The following PDZD8 variants were observed in gnomAD, a reference collection of about 807,000 sequenced individuals.
The protein encoded by PDZD8 is PDZ domain containing 8, also known as PDZ domain-containing protein 8.
Under a neutral mutation model 85.8 loss-of-function variants are expected in PDZD8, and 14 were observed. The ratio of observed to expected loss-of-function variants is 0.16; its 90% CI spans 0.11 to 0.26. The LOEUF (loss-of-function observed/expected upper bound fraction) is 0.26, where lower values mean the gene tolerates loss of function less well. PDZD8 is among the 10% of genes least tolerant of loss of function. The pLI, the probability that PDZD8 is intolerant of heterozygous loss-of-function variation, is 1.00. For synonymous variants in PDZD8, 592 were observed against 568.6 expected, an observed-to-expected ratio of 1.04 and a Z score of -0.59; for missense variants, 1,197 against 1,424.3, an observed-to-expected ratio of 0.84 and a Z score of 2.57.
intron 1 of PDZD8, among the ~76,000 whole-genome samples, chr10:117,361,029 A>G (rs1300825555): frequency 6.6e-6 from 1 of 152,220 alleles, no homozygotes; most frequent in African/African-American, 2.4e-5. Flanking sequence ...CTCACATTCC[A>G]TTAGCTGTGA....
intron 3 of PDZD8, among the ~76,000 whole-genome samples, chr10:117,290,859 G>A (rs1455398595): frequency 7.3e-6 from 1 of 137,610 alleles, no homozygotes; most frequent in Non-Finnish European, 1.6e-5. Flanking sequence ...TTTGTATGGT[G>A]TATCCTTTTT....
intron 2 of PDZD8, among the ~76,000 whole-genome samples, chr10:117,329,343 A>G (rs1253172615): frequency 6.6e-6 from 1 of 152,254 alleles, no homozygotes; most frequent in Non-Finnish European, 1.5e-5. Flanking sequence ...GAAATTTCTT[A>G]CCAAGTTCAA....
At chr10:117,359,079 C>T (rs764565891) in intron 1 of PDZD8, among the ~76,000 whole-genome samples, 1 of 150,418 alleles carries the variant, frequency 6.6e-6, no homozygotes, top group Non-Finnish European at 1.5e-5. Flanking sequence ...TTAATTGCGT[C>T]CTTTGTGACG....
In PDZD8 at chr10:117,283,796, G is replaced by C; in HGVS notation, c.2937C>G (p.Gly979=). ...TTGGACCACAGACCTCCGTGTCACT[G>C]CCTTCGTTGTCTGACGTGTTGGGTG... ...KHTPNTSDNE[G]SDTEVCGPNS... The change falls in exon 5 of 5, where the codon GGC becomes GGG. Residue 979 remains glycine, a synonymous_variant. Transcript: ENST00000334464. 2 of 1,614,208 alleles carry C rather than the reference G, an allele frequency of 1.2e-6. No individual in the cohort carries two copies. The highest frequency in any genetic ancestry group is 1.7e-6 in the Non-Finnish European group (2 of 1,180,034).
intron 3 of PDZD8, among the ~76,000 whole-genome samples, chr10:117,315,458 A>G (rs1046578631): frequency 1.3e-5 from 2 of 151,704 alleles, no homozygotes; most frequent in African/African-American, 4.8e-5. Flanking sequence ...AGCTGGGTGC[A>G]GTGGTGCACG....
chr10:117,339,488 G>T (rs1472122885), intron 2 of PDZD8, among the ~76,000 whole-genome samples: 1 of 152,174 alleles, frequency 6.6e-6, no homozygotes, highest in Non-Finnish European at 1.5e-5. Flanking sequence ...TTTAAGTAGG[G>T]AATGGCAAAC....
chr10:117,358,649 T>C (rs1013647125), intron 1 of PDZD8, among the ~76,000 whole-genome samples: 2 of 152,152 alleles, frequency 1.3e-5, no homozygotes, highest in African/African-American at 4.8e-5. Flanking sequence ...GACAAGGCAG[T>C]TTAAAGTAGT....
At position 117,374,618 on chromosome 10, in the gene PDZD8, G is replaced by C; in HGVS notation, c.610C>G (p.Leu204Val). The part of the protein sequence containing the change: ...AEVEYNGGFH[L>V]AIDVDLVFGK... ...AAGACCAGGTCCACGTCGATGGCCA[G>C]GTGGAAGCCCCCGTTGTACTCCACC... Residue 204 changes from leucine (L) to valine (V), a missense_variant, in exon 1 of 5, where the codon CTG becomes GTG. Transcript: ENST00000334464. The surrounding 1 kb of genome is among the most constrained non-coding windows in gnomAD (Gnocchi z 7.8). 2 of 1,585,886 alleles carry C rather than the reference G, an allele frequency of 1.3e-6. No homozygotes were observed. Among genetic ancestry groups the C allele is most frequent in the Non-Finnish European group, 1.7e-6 (2 of 1,165,644 alleles).
chr10:117,283,967 A>G lies in PDZD8; in HGVS notation c.2766T>C (p.Ala922=). The G allele has an allele frequency of 6.2e-7, 1 of 1,614,232 alleles. No individual in the cohort carries two copies. Among genetic ancestry groups the G allele is most frequent in the Non-Finnish European group, 8.5e-7 (1 of 1,180,024 alleles). Residue 922 remains alanine (A), a synonymous_variant, in exon 5 of 5, where the codon GCT becomes GCC. Transcript: ENST00000334464. ...TTTTATTGACTGACTTGCTAGCTTC[A>G]GCATCAACACGAGGAGGCAGGCCTA... ...TLLGLPPRVD[A]EASKSVNKTT...
intron 1 of PDZD8, among the ~76,000 whole-genome samples, chr10:117,365,302 G>A (rs1323921451): frequency 6.6e-6 from 1 of 152,070 alleles, no homozygotes; most frequent in African/African-American, 2.4e-5. Flanking sequence ...AACAAATGAA[G>A]TAGGTATATA....
intron 1 of PDZD8, among the ~76,000 whole-genome samples, chr10:117,366,561 C>G (rs1188959833): frequency 6.6e-6 from 1 of 150,502 alleles, no homozygotes; most frequent in Non-Finnish European, 1.5e-5. Flanking sequence ...ACTACCACCA[C>G]CACTACCACC....
intron 2 of PDZD8, among the ~76,000 whole-genome samples, chr10:117,323,437 T>C (rs1844261851): frequency 6.6e-6 from 1 of 152,180 alleles, no homozygotes; most frequent in South Asian, 2.1e-4. Context: ...GAAAAAGCAG[T>C]TAAACAGCTT....
chr10:117,295,782 A>G lies in PDZD8; in HGVS notation c.1099-5434T>C, dbSNP rs1843746015. ...TTCAATACTGCAAAAAAATTAACAAAATCCAATATTCATTAATGGTAAAAG... is the reference window on the plus strand; with the variant it reads ...TTCAATACTGCAAAAAAATTAACAAGATCCAATATTCATTAATGGTAAAAG... On this transcript the variant is annotated intron_variant, in intron 3 of 4. Transcript: ENST00000334464. 2.0e-5 allele frequency among the ~76,000 whole-genome samples: 3 copies of G among 152,216 alleles called. No individual in the cohort carries two copies. The South Asian group carries it at 6.2e-4, about 31-fold the overall frequency.
chr10:117,329,466 T>C (rs947206604), intron 2 of PDZD8, among the ~76,000 whole-genome samples: 8 of 151,380 alleles, frequency 5.3e-5, no homozygotes, highest in African/African-American at 1.5e-4. Context: ...ATACCGGAGG[T>C]TGAAAAATTT....
chr10:117,370,985 T>C (rs1845180161), intron 1 of PDZD8, among the ~76,000 whole-genome samples: 1 of 151,182 alleles, frequency 6.6e-6, no homozygotes, highest in Admixed American at 6.6e-5. Context: ...CAGAGCTGCG[T>C]TTCAACACTT....
intron 3 of PDZD8, among the ~76,000 whole-genome samples, chr10:117,312,535 T>C (rs1316915677): frequency 6.6e-6 from 1 of 152,198 alleles, no homozygotes; most frequent in Admixed American, 6.5e-5. Context: ...TTTGTGTCTC[T>C]GTGAAGTCTA....
At chr10:117,361,005 A>T (rs1407843909) in intron 1 of PDZD8, among the ~76,000 whole-genome samples, 4 of 152,216 alleles carry the variant, frequency 2.6e-5, no homozygotes, top group African/African-American at 9.6e-5. Context: ...TTTTAAACAT[A>T]AGAATATATA....
intron 4 of PDZD8, 90 bp from the exon 5 acceptor site, chr10:117,285,561 T>G: frequency 8.3e-7 from 1 of 1,209,380 alleles, no homozygotes; most frequent in Non-Finnish European, 1.1e-6. Flanking sequence ...ATATATATAA[T>G]TGCCATTACC....
At position 117,284,811 on chromosome 10, in the gene PDZD8, G is replaced by A. The variant is rs531357362; in HGVS notation, c.1922C>T (p.Ala641Val). The A allele has an allele frequency of 6.2e-6, 10 of 1,614,076 alleles. No individual in the cohort carries two copies. Among genetic ancestry groups the A allele is most frequent in the Non-Finnish European group, 8.5e-6 (10 of 1,180,040 alleles). Reference protein sequence around the residue: ...SAEKQAKNVDAIDDAAAPKQF... With the variant: ...SAEKQAKNVDVIDDAAAPKQF... ...CTTAGGTGCAGCTGCATCGTCTATG[G>A]CATCCACATTTTTTGCTTGCTTTTC... is the stretch of plus-strand genomic sequence containing the variant. The change falls in exon 5 of 5, where the codon GCC (alanine) becomes GTC (valine). Residue 641 changes from alanine to valine, a missense_variant. By Grantham distance (64) the Ala-to-Val change is moderately conservative. Around this residue, in one of 4 missense-constraint regions of PDZD8, gnomAD observed 263 missense variants for 261.9 expected, o/e 1.00. Coordinates refer to ENST00000334464, the MANE Select transcript of PDZD8 (RefSeq NM_173791.5).
Sources: allele counts gnomAD v4.1 joint callset (sites outside exome capture counted in the v4.1 genomes callset), GRCh38; gene constraint gnomAD v4.1.1; regional missense constraint gnomAD v4.1.1; non-coding constraint Gnocchi (gnomAD v3.1); transcripts MANE v1.5; gene names NCBI Gene and HGNC (gene_info 2026-07-23, HGNC 2026-07-21).